NEGR1: variants seen among roughly 807,000 people sequenced by gnomAD.
NEGR1 encodes neuronal growth regulator 1.
NEGR1 carries 10 observed loss-of-function variants against 40.9 expected under a neutral mutation model. The observed-to-expected ratio is 0.24, with a 90% CI of 0.15 to 0.42. The LOEUF (loss-of-function observed/expected upper bound fraction) is 0.42. NEGR1 is among the 10% of genes least tolerant of loss of function. The pLI, the probability that NEGR1 is intolerant of heterozygous loss-of-function variation, is 1.00. For missense variants in NEGR1, 352 were observed against 438.9 expected (o/e 0.80, Z 1.77); for synonymous variants, 185 against 166.8 (o/e 1.11, Z -0.84).
chr1:71,921,625 G>T (rs1421522197), intron 2 of NEGR1, among the ~76,000 whole-genome samples: 1 of 146,128 alleles, frequency 6.8e-6, no homozygotes, highest in Non-Finnish European at 1.5e-5. Flanking sequence ...ATACAGTATA[G>T]AATACATATA....
At chr1:72,046,731 T>C (rs898200864) in intron 1 of NEGR1, among the ~76,000 whole-genome samples, 2 of 151,624 alleles carry the variant, frequency 1.3e-5, no homozygotes, top group Admixed American at 6.6e-5. Flanking sequence ...ATAGTTTGTT[T>C]TACTACAACA....
intron 4 of NEGR1, among the ~76,000 whole-genome samples, chr1:71,666,849 G>T (rs1652260879): frequency 6.6e-6 from 1 of 152,006 alleles, no homozygotes; most frequent in Non-Finnish European, 1.5e-5. Context: ...TTCAACCCAA[G>T]ATTTATTTTT....
At chr1:72,228,745 T>C (rs545499294) in intron 1 of NEGR1, among the ~76,000 whole-genome samples, 6 of 152,276 alleles carry the variant, frequency 3.9e-5, no homozygotes, top group Admixed American at 3.3e-4. Flanking sequence ...TGCTCATGTT[T>C]TCATTCAGCT....
chr1:72,234,756 G>C (rs1415767882), intron 1 of NEGR1, among the ~76,000 whole-genome samples: 2 of 152,064 alleles, frequency 1.3e-5, no homozygotes, highest in Non-Finnish European at 2.9e-5. Flanking sequence ...ACACCCATCA[G>C]AATGGTTATT....
chr1:71,635,427 G>A (rs752201632), intron 4 of NEGR1, among the ~76,000 whole-genome samples: 1 of 152,084 alleles, frequency 6.6e-6, no homozygotes, highest in Non-Finnish European at 1.5e-5. Flanking sequence ...AGCAATTGAG[G>A]TTGAGGCATA....
intron 2 of NEGR1, among the ~76,000 whole-genome samples, chr1:71,824,074 T>C (rs554492980): frequency 2.9e-4 from 44 of 151,986 alleles, no homozygotes; most frequent in Non-Finnish European, 2.2e-4. Flanking sequence ...ACATAAAATA[T>C]AATCCTGAGA....
chr1:71,757,050 G>C (rs923515721), intron 3 of NEGR1, among the ~76,000 whole-genome samples: 2 of 151,996 alleles, frequency 1.3e-5, no homozygotes, highest in African/African-American at 4.8e-5. Context: ...AATATACAAT[G>C]AATCTAGTTT....
intron 6 of NEGR1, among the ~76,000 whole-genome samples, chr1:71,455,288 A>G (rs1646664437): frequency 6.6e-6 from 1 of 151,976 alleles, no homozygotes; most frequent in Non-Finnish European, 1.5e-5. Context: ...ACCCTCCCTT[A>G]CTCCTAAGTC....
chr1:71,907,491 T>C (rs1933152), intron 2 of NEGR1, among the ~76,000 whole-genome samples: 3,283 of 152,116 alleles, frequency 0.022, 67 homozygotes, highest in Middle Eastern at 0.068. Flanking sequence ...TGGCTATTAC[T>C]AAAAAGTGAA....
chr1:72,005,027 T>G (rs987434837), intron 1 of NEGR1, among the ~76,000 whole-genome samples: 2 of 152,184 alleles, frequency 1.3e-5, no homozygotes, highest in African/African-American at 4.8e-5. Context: ...GCCATTCAGC[T>G]GACTTCCTAT....
intron 4 of NEGR1, among the ~76,000 whole-genome samples, chr1:71,656,199 A>T (rs966901003): frequency 2.6e-5 from 4 of 152,186 alleles, no homozygotes; most frequent in African/African-American, 9.6e-5. Context: ...ACGCAGTGAC[A>T]TAAAAATGGG....
intron 1 of NEGR1, among the ~76,000 whole-genome samples, chr1:72,107,999 T>C (rs2100260956): frequency 6.6e-6 from 1 of 151,770 alleles, no homozygotes; most frequent in Non-Finnish European, 1.5e-5. Flanking sequence ...CTAATAATTT[T>C]TTTAAGTGCA....
intron 1 of NEGR1, among the ~76,000 whole-genome samples, chr1:72,082,606 C>T (rs1648048496): frequency 1.3e-5 from 2 of 151,860 alleles, no homozygotes. Context: ...CAAAACTTTT[C>T]CCTGGATTAT....
chr1:72,274,594 C>T (rs1344299167), intron 1 of NEGR1: 2 of 781,318 alleles, frequency 2.6e-6, no homozygotes, highest in African/African-American at 3.4e-5. Flanking sequence ...TGGCGAAAGC[C>T]CATACCTTTA....
intron 2 of NEGR1, among the ~76,000 whole-genome samples, chr1:71,784,882 G>A (rs1247528086): frequency 6.6e-6 from 1 of 152,220 alleles, no homozygotes; most frequent in Non-Finnish European, 1.5e-5. Flanking sequence ...TAACATTTAT[G>A]TAATGATTTT....
chr1:71,852,479 A>G (rs1659636259), intron 2 of NEGR1, among the ~76,000 whole-genome samples: 1 of 152,118 alleles, frequency 6.6e-6, no homozygotes, highest in Non-Finnish European at 1.5e-5. Flanking sequence ...TCTAAATCTT[A>G]TCTGGAGCCT....
chr1:72,098,146 A>C (rs1273003381), intron 1 of NEGR1, among the ~76,000 whole-genome samples: 1 of 152,172 alleles, frequency 6.6e-6, no homozygotes, highest in African/African-American at 2.4e-5. Context: ...GAAAAAGAAC[A>C]AGAAGCAGTG....
chr1:72,188,391 G>T (rs1652691532), intron 1 of NEGR1, among the ~76,000 whole-genome samples: 1 of 151,354 alleles, frequency 6.6e-6, no homozygotes, highest in Admixed American at 6.6e-5. Context: ...TTAGGTGCCT[G>T]CAGGTTAATT....
chr1:71,448,513 C>T (rs774701810), intron 6 of NEGR1, among the ~76,000 whole-genome samples: 18 of 152,104 alleles, frequency 1.2e-4, no homozygotes, highest in Non-Finnish European at 2.4e-4. Context: ...GCAGGAGAAT[C>T]GCTTGAGCCC....
Sources: allele counts gnomAD v4.1 joint callset (sites outside exome capture counted in the v4.1 genomes callset), GRCh38; gene constraint gnomAD v4.1.1; transcripts MANE v1.5; gene names NCBI Gene and HGNC (gene_info 2026-07-23, HGNC 2026-07-21).